The following SF1 variants were observed in gnomAD, a reference collection of about 807,000 sequenced individuals.
SF1 encodes branch point-binding protein.
SF1 carries 7 observed loss-of-function variants against 62.5 expected under a neutral mutation model. The observed-to-expected ratio is 0.11, with a 90% CI of 0.06 to 0.21. SF1 has a LOEUF of 0.21. Ranked by LOEUF, SF1 falls within the 10% of genes least tolerant of loss-of-function variation. The probability of loss-of-function intolerance (pLI) is 1.00; values close to 1 mark genes in which losing one functional copy is unlikely to be tolerated. For missense variants in SF1, 578 were observed against 884.0 expected (o/e 0.65, Z 4.39); for synonymous variants, 394 against 323.6 (o/e 1.22, Z -2.33).
At chr11:64,771,357 T>TA in intron 3 of SF1, 1 of 685,870 alleles carries the variant, frequency 1.5e-6, no homozygotes, top group East Asian at 1.3e-4. Flanking sequence ...AAAAGGACCA[T>TA]AGCTTGATAT....
chr11:64,772,240 T>TGGTG, intron 3 of SF1: 1 of 984,942 alleles, frequency 1.0e-6, no homozygotes, highest in South Asian at 4.7e-5. Flanking sequence ...AGGAATTGAC[T>TGGTG]GGTGACCTGT....
chr11:64,778,279 A>G, intron 1 of SF1, 83 bp downstream of exon 1: 1 of 1,213,256 alleles, frequency 8.2e-7, no homozygotes, highest in East Asian at 3.3e-5. Flanking sequence ...GCCCCGCCCC[A>G]GGCCCGGGTG....
intron 1 of SF1, among the ~76,000 whole-genome samples, chr11:64,777,334 G>A (rs912529213): frequency 1.3e-5 from 2 of 151,770 alleles, no homozygotes; most frequent in Admixed American, 6.6e-5. Flanking sequence ...TTCCCAAGGG[G>A]TACAGGATCA....
intron 4 of SF1, 54 bp from the exon 5 acceptor site, chr11:64,770,107 C>A: frequency 6.3e-7 from 1 of 1,578,224 alleles, no homozygotes. Flanking sequence ...ACACAGCCAG[C>A]GGCTTTTCTA....
rs907888306 is a variant in SF1, at chr11:64,765,645, C to G, written c.*173G>C. ...GCGCCCCTACTACCACCTGCCCGTTCCCAAGCGAATCCTCAGTCGCTTGGC... is the reference window on the plus strand; with the variant it reads ...GCGCCCCTACTACCACCTGCCCGTTGCCAAGCGAATCCTCAGTCGCTTGGC... On this transcript the variant is annotated 3_prime_UTR_variant, in exon 13 of 13. Transcript: ENST00000377390. The G allele has an allele frequency of 1.3e-6, 2 of 1,491,886 alleles. No individual in the cohort carries two copies. The highest frequency in any genetic ancestry group is 2.8e-5 in the African/African-American group (2 of 71,228). The allele number at this position is 1,491,886 out of a possible 1,614,324, so 92.4% of individuals were successfully genotyped here.
At chr11:64,775,507 C>T (rs937841674) in intron 2 of SF1, among the ~76,000 whole-genome samples, 1 of 152,172 alleles carries the variant, frequency 6.6e-6, no homozygotes, top group Non-Finnish European at 1.5e-5. Flanking sequence ...CAGACAATTC[C>T]AACGCCTCAA....
intron 2 of SF1, 107 bp downstream of exon 2, chr11:64,776,391 A>G (rs780863964): frequency 8.1e-7 from 1 of 1,241,762 alleles, no homozygotes; most frequent in Admixed American, 1.8e-5. Context: ...AAAGTATCTC[A>G]TCTCAAAAAA....
At chr11:64,774,531 G>C (rs1400797323) in intron 2 of SF1, among the ~76,000 whole-genome samples, 1 of 152,204 alleles carries the variant, frequency 6.6e-6, no homozygotes, top group East Asian at 1.9e-4. Context: ...ACTAGGTTGG[G>C]TTAAAACTGA....
chr11:64,766,861 A>AC, intron 12 of SF1, 39 bp downstream of exon 12: 2 of 158,978 alleles, frequency 1.3e-5, no homozygotes, highest in South Asian at 1.1e-4. Flanking sequence ...CCCCACCCCC[A>AC]TCCCACCCAC....
At chr11:64,773,568 C>A in intron 2 of SF1, 63 bp from the exon 3 acceptor site, 1 of 1,536,440 alleles carries the variant, frequency 6.5e-7, no homozygotes, top group Non-Finnish European at 8.8e-7. Flanking sequence ...TACCAATAAA[C>A]ATCTCAAATC....
chr11:64,765,741 C>T lies in SF1; in HGVS notation c.*77G>A, dbSNP rs1321144856. Reference sequence around the variant, plus strand: ...CATGCGTGCGTCCCAATGTCTGGCTCCATATGGTGAGGTTCGGCGTGTTTA... The same window carrying T: ...CATGCGTGCGTCCCAATGTCTGGCTTCATATGGTGAGGTTCGGCGTGTTTA... On this transcript the variant is annotated 3_prime_UTR_variant, in exon 13 of 13. Coordinates refer to ENST00000377390, the MANE Select transcript of SF1 (RefSeq NM_004630.4). The T allele has an allele frequency of 2.0e-6, 3 of 1,470,728 alleles. No homozygotes were observed. Among genetic ancestry groups the T allele is most frequent in the Admixed American group, 2.6e-5 (1 of 38,496 alleles). The allele number at this position is 1,470,728 out of a possible 1,614,324, so 91.1% of individuals were successfully genotyped here. A position where few individuals can be genotyped will look rare whatever the true frequency, so the allele number is the denominator to read the frequency against.
In SF1 at chr11:64,767,109, C is replaced by T. The variant is rs754047194; in HGVS notation, c.1403-30G>A. ...GGACAGGTGGAGGCAAAGATGAGGC[C>T]TCAGGGAAAGGCGGGGACTTGGGCC... On this transcript the variant is annotated intron_variant, in intron 11 of 12. Transcript: ENST00000377390. 8 of 1,609,460 alleles carry T rather than the reference C, an allele frequency of 5.0e-6. No individual in the cohort carries two copies. In the Admixed American group the frequency reaches 1.0e-4, roughly 20 times the overall value.
At chr11:64,772,268 G>T (rs1938441602) in intron 3 of SF1, 1 of 983,716 alleles carries the variant, frequency 1.0e-6, no homozygotes, top group African/African-American at 1.8e-5. Flanking sequence ...TTATTAAAGG[G>T]AAAAAGGCCA....
chr11:64,770,050 A>C lies in SF1; in HGVS notation c.393T>G (p.Pro131=). 1 of 1,613,228 alleles carries C rather than the reference A, an allele frequency of 6.2e-7. No individual in the cohort carries two copies. Among genetic ancestry groups the C allele is most frequent in the South Asian group, 1.1e-5 (1 of 91,024 alleles). Residue 131 remains proline, a synonymous_variant, in exon 5 of 13, where the codon CCT becomes CCG. Coordinates refer to ENST00000377390, the MANE Select transcript of SF1 (RefSeq NM_004630.4). Reference sequence around the variant, plus strand: ...CTTTATCACTCACACGTGTTGCTGGAGGTCTAAGAAAGAAAAGCCTGTGTC... The same window carrying C: ...CTTTATCACTCACACGTGTTGCTGGCGGTCTAAGAAAGAAAAGCCTGTGTC... ...PDFKPPADYK[P]PATRVSDKVM...
At chr11:64,766,875 C>CCCCCCCCCCCCAAAAAAAAAAA in intron 12 of SF1, 25 bp downstream of exon 12, 1 of 1,377,660 alleles carries the variant, frequency 7.3e-7, no homozygotes, top group Non-Finnish European at 9.5e-7. Context: ...CACCCACCCC[C>CCCCCCCCCCCCAAAAAAAAAAA]ACAAGCCCAA....
chr11:64,773,213 T>C, intron 3 of SF1: 1 of 1,361,246 alleles, frequency 7.3e-7, no homozygotes, highest in Non-Finnish European at 9.4e-7. Context: ...CATTTTCCTG[T>C]AACTTTTTAT....
chr11:64,769,117 G>A lies in SF1; in HGVS notation c.792C>T (p.Pro264=). 3 of 1,614,066 alleles carry A rather than the reference G, an allele frequency of 1.9e-6. No individual in the cohort carries two copies. Among genetic ancestry groups the A allele is most frequent in the Non-Finnish European group, 2.5e-6 (3 of 1,179,916 alleles). Residue 264 remains proline (P), a synonymous_variant, in exon 8 of 13, where the codon CCC becomes CCT. Coordinates refer to ENST00000377390, the MANE Select transcript of SF1 (RefSeq NM_004630.4). ...TGCTGCGGGTCTCTGAGCTCTGCCA[G>A]GGTCTTAAGATCCTATTAAAGGAAA... ...LREDDNRILR[P]WQSSETRSIT...
intron 3 of SF1, chr11:64,772,632 G>C: frequency 2.0e-6 from 2 of 985,104 alleles, no homozygotes; most frequent in Non-Finnish European, 2.4e-6. Flanking sequence ...GTGAGAGGGA[G>C]AGACTTACTG....
chr11:64,772,712 C>G (rs1299605211), intron 3 of SF1: 1 of 985,344 alleles, frequency 1.0e-6, no homozygotes, highest in South Asian at 4.7e-5. Context: ...AAAAGTTCAT[C>G]TCCCCCACAC....
Sources: gnomAD v4.1 joint callset for allele counts (sites outside exome capture counted in the v4.1 genomes callset) on GRCh38, gnomAD v4.1.1 for gene constraint, MANE v1.5 for transcripts, NCBI Gene and HGNC (gene_info 2026-07-23, HGNC 2026-07-21) for gene names.